The following HECW1 variants were observed in gnomAD, a reference collection of about 807,000 sequenced individuals.
The protein encoded by HECW1 is HECT, C2 and WW domain containing E3 ubiquitin protein ligase 1, also known as E3 ubiquitin-protein ligase HECW1.
A neutral mutation model predicts 182.3 loss-of-function variants in HECW1; 61 were observed. The observed-to-expected ratio is 0.33, with a 90% confidence interval of 0.27 to 0.41. HECW1 has a LOEUF of 0.41. Among genes scored for constraint, HECW1 ranks in the 10% least tolerant of loss-of-function variants. The pLI is 1.00. For missense variants in HECW1, 1,739 were observed against 2,108.9 expected, an observed-to-expected ratio of 0.82 and a Z score of 3.44; for synonymous variants, 859 against 832.6, an observed-to-expected ratio of 1.03 and a Z score of -0.55.
chr7:43,282,265 G>T (rs898239746), intron 3 of HECW1, among the ~76,000 whole-genome samples: 7 of 152,368 alleles, frequency 4.6e-5, no homozygotes, highest in Middle Eastern at 3.4e-3. Context: ...AGAGCAGGAG[G>T]AAAGGCAGGT....
At chr7:43,281,126 C>T (rs939336823) in intron 3 of HECW1, among the ~76,000 whole-genome samples, 4 of 152,150 alleles carry the variant, frequency 2.6e-5, no homozygotes, top group Non-Finnish European at 5.9e-5. Context: ...TTCTGCACCC[C>T]TCACCTCCGC....
intron 3 of HECW1, among the ~76,000 whole-genome samples, chr7:43,268,218 A>G (rs7784053): frequency 0.15 from 22,079 of 152,192 alleles, 2,111 homozygotes; most frequent in South Asian, 0.26. Flanking sequence ...GACATTTCCA[A>G]CTCAGCTACA....
In HECW1 at chr7:43,479,399, C is replaced by T. The variant is rs569125503; in HGVS notation, c.3100-211C>T. Among the ~76,000 whole-genome samples the T allele has an allele frequency of 1.4e-4, 22 of 152,286 alleles. No homozygotes were observed. The South Asian group carries it at 4.1e-3, about 29-fold the overall frequency. ...TGGAGCTCAAGTGGTAATGCTCACTCGCCCGTGGCTCACCTCCTGCTGTGC... is the reference window on the plus strand; with the variant it reads ...TGGAGCTCAAGTGGTAATGCTCACTTGCCCGTGGCTCACCTCCTGCTGTGC... On this transcript the variant is annotated intron_variant, in intron 16 of 29. Transcript: ENST00000395891.
At chr7:43,503,133 T>G (rs1037513516) in intron 21 of HECW1, among the ~76,000 whole-genome samples, 1 of 152,216 alleles carries the variant, frequency 6.6e-6, no homozygotes, top group East Asian at 1.9e-4. Context: ...TCCAAACAAG[T>G]GTACCAACAG....
chr7:43,419,412 C>G (rs1046459519), intron 8 of HECW1, among the ~76,000 whole-genome samples: 3 of 152,162 alleles, frequency 2.0e-5, no homozygotes, highest in African/African-American at 7.2e-5. Context: ...TAAAAACAAG[C>G]AACAAATGTA....
chr7:43,327,456 T>C (rs996808766), intron 5 of HECW1, among the ~76,000 whole-genome samples: 1 of 152,190 alleles, frequency 6.6e-6, no homozygotes, highest in Non-Finnish European at 1.5e-5. Flanking sequence ...TTACTTGTGT[T>C]TCTTAAATTT....
Position 43,541,176 on chromosome 7 carries a change from G to A in HECW1, c.4033G>A (p.Gly1345Ser), listed in dbSNP as rs2081352565. The A allele has an allele frequency of 1.9e-6, 3 of 1,613,918 alleles. No individual in the cohort carries two copies. Among genetic ancestry groups the A allele is most frequent in the Non-Finnish European group, 2.5e-6 (3 of 1,179,836 alleles). Residue 1345 changes from glycine (G) to serine (S), a missense_variant, in exon 25 of 30, where the codon GGT becomes AGT. Around this residue, in one of 5 missense-constraint regions of HECW1, gnomAD observed 420 missense variants for 595.7 expected, o/e 0.71. Coordinates refer to ENST00000395891, the MANE Select transcript of HECW1 (RefSeq NM_015052.5). ...TCTGTGTTCCAGGTTCAGGTTTAGC[G>A]GTCGCATCCTGGGTCTGGCTCTGAT... ...ENHLEWFRFS[G>S]RILGLALIHQ...
chr7:43,192,899 G>GT (rs1554303036), intron 2 of HECW1, among the ~76,000 whole-genome samples: 2 of 152,180 alleles, frequency 1.3e-5, no homozygotes, highest in Non-Finnish European at 2.9e-5. Context: ...GTGAAAGCAA[G>GT]TTTTTTAAGA....
At position 43,367,051 on chromosome 7, in the gene HECW1, C is replaced by T. The variant is rs77056379; in HGVS notation, c.555+6071C>T. 5.8e-3 allele frequency among the ~76,000 whole-genome samples: 888 copies of T among 152,270 alleles called. 10 individuals are homozygous for T. Among genetic ancestry groups the T allele is most frequent in the African/African-American group, 0.02 (849 of 41,550 alleles). ...AATTTCAGAGTCATTTTCCTCAACT[C>T]GTAAGAAAATGGGGCTTTCTAAGGA... is the stretch of plus-strand genomic sequence containing the variant. On this transcript the variant is annotated intron_variant, in intron 6 of 29. Coordinates refer to ENST00000395891, the MANE Select transcript of HECW1 (RefSeq NM_015052.5).
At chr7:43,394,752 G>A (rs376457917) in intron 6 of HECW1, among the ~76,000 whole-genome samples, 9 of 152,234 alleles carry the variant, frequency 5.9e-5, no homozygotes, top group East Asian at 3.9e-4. Context: ...AGACAGAGCC[G>A]ATTCATCAAG....
intron 24 of HECW1, among the ~76,000 whole-genome samples, chr7:43,526,241 C>A (rs2080751432): frequency 6.6e-6 from 1 of 152,170 alleles, no homozygotes; most frequent in African/African-American, 2.4e-5. Context: ...TTTTGCCATT[C>A]ATGTGAAAAT....
chr7:43,131,283 T>A lies in HECW1; in HGVS notation c.-32+16892T>A, dbSNP rs918037356. On this transcript the variant is annotated intron_variant, in intron 2 of 29. Coordinates refer to ENST00000395891, the MANE Select transcript of HECW1 (RefSeq NM_015052.5). ...CTATCTCAAAAAAAAATTTTTTTTG[T>A]ATTTAATCCTTCCAAGTTTGTGTGA... 5.9e-5 allele frequency among the ~76,000 whole-genome samples: 9 copies of A among 152,148 alleles called. No homozygotes were observed. In the East Asian group the frequency reaches 1.7e-3, roughly 29 times the overall value.
chr7:43,169,255 C>A (rs1486354807), intron 2 of HECW1, among the ~76,000 whole-genome samples: 5 of 152,136 alleles, frequency 3.3e-5, no homozygotes, highest in African/African-American at 9.7e-5. Flanking sequence ...TCAGGAAATA[C>A]CTGTATGGAG....
intron 2 of HECW1, among the ~76,000 whole-genome samples, chr7:43,210,484 T>G (rs1053180525): frequency 1.3e-5 from 2 of 149,388 alleles, no homozygotes; most frequent in African/African-American, 4.9e-5. Context: ...TGTGGTATTG[T>G]TACAGGGCGT....
intron 5 of HECW1, among the ~76,000 whole-genome samples, chr7:43,325,160 C>T (rs73689980): frequency 1.3e-5 from 2 of 152,144 alleles, no homozygotes; most frequent in African/African-American, 4.8e-5. Context: ...CTCCAGTGGG[C>T]ACCTGGCTAT....
intron 3 of HECW1, among the ~76,000 whole-genome samples, chr7:43,254,599 G>A (rs1426612527): frequency 6.6e-6 from 1 of 152,142 alleles, no homozygotes; most frequent in African/African-American, 2.4e-5. Context: ...ATACTAGCAG[G>A]AACCTCAACA....
chr7:43,508,440 C>T (rs1417496159), intron 23 of HECW1, among the ~76,000 whole-genome samples: 3 of 152,180 alleles, frequency 2.0e-5, no homozygotes, highest in African/African-American at 7.2e-5. Flanking sequence ...AACTCTTTCT[C>T]TTAAAGTGCA....
chr7:43,471,451 T>C (rs2078020518), intron 16 of HECW1, among the ~76,000 whole-genome samples: 1 of 152,230 alleles, frequency 6.6e-6, no homozygotes, highest in African/African-American at 2.4e-5. Context: ...CATTTGCTTT[T>C]ATTATCCACC....
chr7:43,283,650 C>T (rs1015447716), intron 3 of HECW1, among the ~76,000 whole-genome samples: 14 of 152,178 alleles, frequency 9.2e-5, no homozygotes, highest in Non-Finnish European at 8.8e-5. Flanking sequence ...GAAACCAAAA[C>T]GTTTACCAAG....
Sources: gnomAD v4.1 joint callset for allele counts (sites outside exome capture counted in the v4.1 genomes callset) on GRCh38, gnomAD v4.1.1 for gene constraint, gnomAD v4.1.1 regional missense constraint, MANE v1.5 for transcripts, NCBI Gene and HGNC (gene_info 2026-07-23, HGNC 2026-07-21) for gene names.